The following SSUH2 variants were observed in gnomAD, a reference collection of about 807,000 sequenced individuals.
The protein encoded by SSUH2 is protein SSUH2 homolog.
A neutral mutation model predicts 55.3 loss-of-function variants in SSUH2; 47 were observed. The observed-to-expected ratio is 0.85, with a 90% CI of 0.67 to 1.08. SSUH2 has a LOEUF of 1.08. Ranked by LOEUF, SSUH2 falls within the 50% of genes least tolerant of loss-of-function variation. SSUH2 has a pLI of 0.00. For missense variants in SSUH2, 535 were observed against 490.7 expected, an observed-to-expected ratio of 1.09 and a Z score of -0.85; for synonymous variants, 212 against 191.5, an observed-to-expected ratio of 1.11 and a Z score of -0.89.
chr3:8,678,247 G>T (rs185755200), intron 2 of SSUH2, among the ~76,000 whole-genome samples: 25 of 152,138 alleles, frequency 1.6e-4, no homozygotes, highest in South Asian at 6.3e-4. Flanking sequence ...GTATACTTAC[G>T]GTGATATTTG....
chr3:8,639,634 CATT>C (rs1246704026), intron 1 of SSUH2, among the ~76,000 whole-genome samples: 2 of 152,190 alleles, frequency 1.3e-5, no homozygotes, highest in Non-Finnish European at 2.9e-5. Context: ...TGGAGAAAGG[CATT>C]ATTAATGGGT....
intron 8 of SSUH2, chr3:8,627,424 T>C (rs1393491620): frequency 5.7e-6 from 2 of 353,556 alleles, no homozygotes; most frequent in African/African-American, 4.2e-5. Context: ...CCTTTCCTGG[T>C]AACCCCGTCC....
intron 1 of SSUH2, among the ~76,000 whole-genome samples, chr3:8,638,287 C>T (rs559356709): frequency 1.2e-4 from 18 of 152,254 alleles, no homozygotes; most frequent in African/African-American, 2.2e-4. Flanking sequence ...GCCTTTAAGA[C>T]GAATGAACAC....
chr3:8,678,490 G>C lies in SSUH2; in HGVS notation c.-900-1137C>G, dbSNP rs1429581774. Among the ~76,000 whole-genome samples, 5 of 138,346 alleles carry C rather than the reference G, an allele frequency of 3.6e-5. 1 individual carries two copies. Among genetic ancestry groups the C allele is most frequent in the Admixed American group, 1.5e-4 (2 of 13,698 alleles). The allele number at this position is 138,346 out of a possible 152,430, so 90.8% of individuals were successfully genotyped here. A position where few individuals can be genotyped will look rare whatever the true frequency, so the allele number is the denominator to read the frequency against. ...TGGCTCTTAGGACCCCCATTGCAAGGGGGTGAGGCACCCCCCGCGAGGCGG... is the reference window on the plus strand; with the variant it reads ...TGGCTCTTAGGACCCCCATTGCAAGCGGGTGAGGCACCCCCCGCGAGGCGG... On this transcript the variant is annotated intron_variant, in intron 2 of 18. Coordinates refer to the SSUH2 transcript ENST00000317371.
chr3:8,681,315 C>A (rs971113857), intron 1 of SSUH2, among the ~76,000 whole-genome samples: 5 of 147,150 alleles, frequency 3.4e-5, no homozygotes, highest in Admixed American at 6.7e-5. Flanking sequence ...GGACCACCAT[C>A]GCGGGGGTGG....
upstream of SSUH2, chr3:8,644,813 G>A: frequency 1.3e-6 from 2 of 1,497,506 alleles, no homozygotes; most frequent in East Asian, 2.5e-5. Context: ...TTGGACCGAT[G>A]TGCTCTGATG....
chr3:8,653,826 G>A (rs1240468260), intron 7 of SSUH2, among the ~76,000 whole-genome samples: 1 of 152,134 alleles, frequency 6.6e-6, no homozygotes, highest in Non-Finnish European at 1.5e-5. Flanking sequence ...CTCAGATCGG[G>A]AACAGAACAT....
rs57592477 is a variant in SSUH2 at position 8,672,907 on chromosome 3, C to G, written c.-752-872G>C. Among the ~76,000 whole-genome samples, 915 of 152,168 alleles carry G rather than the reference C, an allele frequency of 6.0e-3. 12 individuals carry two copies. Among genetic ancestry groups the G allele is most frequent in the African/African-American group, 0.019 (796 of 41,524 alleles). On this transcript the variant is annotated intron_variant, in intron 3 of 18. Coordinates refer to the SSUH2 transcript ENST00000317371. ...ATCAATATCACTGGGTGGGTGTACA[C>G]CTGCTGCGATATTGAACGTAATATC...
At chr3:8,645,535 T>A (rs1345378431), upstream of SSUH2, among the ~76,000 whole-genome samples, 1 of 152,220 alleles carries the variant, frequency 6.6e-6, no homozygotes, top group East Asian at 1.9e-4. Flanking sequence ...ACAGAACTTG[T>A]GAGCTGGTCC....
chr3:8,676,098 C>T (rs1373284773), intron 3 of SSUH2, among the ~76,000 whole-genome samples: 1 of 152,258 alleles, frequency 6.6e-6, no homozygotes, highest in African/African-American at 2.4e-5. Context: ...GCCAGCCCCT[C>T]TTCCCCGCCT....
intron 6 of SSUH2, chr3:8,659,908 A>G (rs1575325054): frequency 2.4e-6 from 1 of 414,080 alleles, no homozygotes; most frequent in Non-Finnish European, 4.8e-6. Context: ...GGAAGCAGAC[A>G]TCTGAGTTGG....
intron 5 of SSUH2, among the ~76,000 whole-genome samples, chr3:8,665,922 A>G (rs1011672015): frequency 6.6e-6 from 1 of 152,148 alleles, no homozygotes; most frequent in African/African-American, 2.4e-5. Flanking sequence ...TAATGTTGAT[A>G]AAAATGAGAA....
At position 8,680,596 on chromosome 3, in the gene SSUH2, T is replaced by A. The variant is rs988240700; in HGVS notation, c.-1045-747A>T. Among the ~76,000 whole-genome samples the A allele has an allele frequency of 1.6e-4, 25 of 152,088 alleles. 1 individual carries two copies. The highest frequency in any genetic ancestry group is 4.6e-4 in the Admixed American group (7 of 15,274). On this transcript the variant is annotated intron_variant, in intron 1 of 18. Coordinates refer to the SSUH2 transcript ENST00000317371. ...ATTAGAAACAATATCAGTGAGGGCG[T>A]GTCCACCTTCTGTCATATTGAAAGT...
At position 8,629,653 on chromosome 3, in the gene SSUH2, A is replaced by AGAT; in HGVS notation, c.588+8_588+10dup. On this transcript the variant is annotated intron_variant, in intron 7 of 11. Transcript: ENST00000544814. The stretch of plus-strand genomic sequence containing the variant: ...CCTCACTGACTCACCAGTGGTTCAC[A>AGAT]GATGACTCACCGTGCCCGCCCCGTG... 1 of 1,613,938 alleles carries AGAT rather than the reference A, an allele frequency of 6.2e-7. No individual in the cohort carries two copies. Among genetic ancestry groups the AGAT allele is most frequent in the Non-Finnish European group, 8.5e-7 (1 of 1,179,850 alleles).
rs1423273749 is a variant in SSUH2, at chr3:8,626,264, C to T, written c.732G>A (p.Lys244=). The change falls in exon 9 of 12, where the codon AAG becomes AAA. Residue 244 remains lysine (K), a synonymous_variant. Transcript: ENST00000544814. ...NKTCATCKGE[K]KLLHFIQLVI... is the part of the protein sequence containing the mutation. ...CAAGCTGGATGAAGTGCAACAGCTTCTTCTCCCCCTTGCAGGTGGCGCAGG... is the reference window on the plus strand; with the variant it reads ...CAAGCTGGATGAAGTGCAACAGCTTTTTCTCCCCCTTGCAGGTGGCGCAGG... 6.2e-7 allele frequency: 1 copy of T among 1,614,158 alleles called. No homozygotes were observed. Among genetic ancestry groups the T allele is most frequent in the Non-Finnish European group, 8.5e-7 (1 of 1,180,006 alleles).
Position 8,662,188 on chromosome 3 carries a change from T to G in SSUH2, c.-396+1556A>C, listed in dbSNP as rs1703558924. Among the ~76,000 whole-genome samples the G allele has an allele frequency of 3.9e-5, 6 of 152,184 alleles. No individual in the cohort carries two copies. The South Asian group carries it at 1.2e-3, about 32-fold the overall frequency. Reference sequence around the variant, plus strand: ...CTCTGTCTCCCAAGAATGTTTGTTATGCAAAGATAACACAGAACAAAAGGC... The same window carrying G: ...CTCTGTCTCCCAAGAATGTTTGTTAGGCAAAGATAACACAGAACAAAAGGC... On this transcript the variant is annotated intron_variant, in intron 6 of 18. Coordinates refer to the SSUH2 transcript ENST00000317371.
At chr3:8,672,391 A>C (rs1704692153) in intron 3 of SSUH2, among the ~76,000 whole-genome samples, 1 of 151,976 alleles carries the variant, frequency 6.6e-6, no homozygotes, top group South Asian at 2.1e-4. Context: ...ACATGGGGGT[A>C]ATATCATCCT....
chr3:8,659,914 G>A, intron 6 of SSUH2: 1 of 408,222 alleles, frequency 2.4e-6, no homozygotes, highest in Non-Finnish European at 4.9e-6. Flanking sequence ...AGACATCTGA[G>A]TTGGATCTTA....
chr3:8,671,775 T>C (rs1704593254), intron 4 of SSUH2: 1 of 151,890 alleles, frequency 6.6e-6, no homozygotes, highest in African/African-American at 2.4e-5. Context: ...CAAAAGATCC[T>C]AGGAAAAATC....
Sources: gnomAD v4.1 joint callset for allele counts (sites outside exome capture counted in the v4.1 genomes callset) on GRCh38, gnomAD v4.1.1 for gene constraint, MANE v1.5 for transcripts, NCBI Gene and HGNC (gene_info 2026-07-23, HGNC 2026-07-21) for gene names.